PSD3: variants seen among roughly 807,000 people sequenced by gnomAD.
The protein encoded by PSD3 is pleckstrin and Sec7 domain containing 3.
Under a neutral mutation model 105.5 loss-of-function variants are expected in PSD3, and 49 were observed. That is an observed-to-expected ratio of 0.46 (90% CI 0.37 to 0.59). The LOEUF (loss-of-function observed/expected upper bound fraction) is 0.59, where lower values mean the gene tolerates loss of function less well. Among genes scored for constraint, PSD3 ranks in the 20% least tolerant of loss-of-function variants. The pLI, the probability that PSD3 is intolerant of heterozygous loss-of-function variation, is 0.00. For synonymous variants in PSD3, 557 were observed against 457.8 expected (o/e 1.22, Z -2.77); for missense variants, 1,561 against 1,263.8 (o/e 1.24, Z -3.57).
At chr8:18,707,317 C>G (rs1801962027) in intron 9 of PSD3, among the ~76,000 whole-genome samples, 1 of 152,164 alleles carries the variant, frequency 6.6e-6, no homozygotes, top group Non-Finnish European at 1.5e-5. Flanking sequence ...AGATGAATAT[C>G]AGCTCCTTGA....
At chr8:18,628,401 T>A (rs1215436506) in intron 11 of PSD3, among the ~76,000 whole-genome samples, 1 of 151,950 alleles carries the variant, frequency 6.6e-6, no homozygotes, top group African/African-American at 2.4e-5. Flanking sequence ...TTTTTTTGTC[T>A]GAAATCCTGC....
intron 9 of PSD3, among the ~76,000 whole-genome samples, chr8:18,715,077 C>T (rs1304017442): frequency 6.6e-6 from 1 of 152,102 alleles, no homozygotes; most frequent in Non-Finnish European, 1.5e-5. Flanking sequence ...GGGAGATGAA[C>T]AAGGAGAACC....
At chr8:18,541,658 C>T (rs1410238315) in intron 15 of PSD3, among the ~76,000 whole-genome samples, 1 of 152,042 alleles carries the variant, frequency 6.6e-6, no homozygotes, top group East Asian at 1.9e-4. Context: ...GCCTGCCTTG[C>T]TTAGGACTGG....
intron 9 of PSD3, among the ~76,000 whole-genome samples, chr8:18,668,189 G>A (rs191264812): frequency 1.5e-4 from 23 of 152,356 alleles, no homozygotes; most frequent in South Asian, 4.1e-4. Flanking sequence ...CAGAGAGGCC[G>A]AGGGGTTGCG....
intron 2 of PSD3, among the ~76,000 whole-genome samples, chr8:18,914,592 T>C (rs1040499563): frequency 4.6e-5 from 7 of 151,964 alleles, no homozygotes; most frequent in Admixed American, 2.6e-4. Context: ...AAAAAAGATA[T>C]CAAAAAATAA....
At position 18,586,479 on chromosome 8, in the gene PSD3, G is replaced by A. The variant is rs971842210; in HGVS notation, c.2482-11194C>T. 8.5e-5 allele frequency among the ~76,000 whole-genome samples: 13 copies of A among 152,112 alleles called. 1 individual carries two copies. In the South Asian group the frequency reaches 1.7e-3, roughly 19 times the overall value. ...CGTAGTTGAGAAGTCTTGATGAAAG[G>A]CTTAAAGTAACTGATGAGCAACTAA... is the stretch of plus-strand genomic sequence containing the variant. On this transcript the variant is annotated intron_variant, in intron 12 of 15. Transcript: ENST00000327040.
intron 1 of PSD3, among the ~76,000 whole-genome samples, chr8:19,002,795 T>A (rs1563501087): frequency 1.3e-5 from 2 of 152,230 alleles, no homozygotes; most frequent in Non-Finnish European, 1.5e-5. Flanking sequence ...GTTGATTGAA[T>A]GCATGATGCA....
chr8:18,572,552 A>C lies in PSD3; in HGVS notation c.2760T>G (p.Pro920=). The C allele has an allele frequency of 6.2e-7, 1 of 1,614,002 alleles. No individual in the cohort carries two copies. Among genetic ancestry groups the C allele is most frequent in the Non-Finnish European group, 8.5e-7 (1 of 1,179,872 alleles). ...SQKKFSRPLL[P]ATTTKLSQEE... is the part of the protein sequence containing the mutation. Reference sequence around the variant, plus strand: ...CCTGAGACAGTTTTGTTGTAGTGGCAGGCAGAAGTGGGCGGCTAAACTTCT... The same window carrying C: ...CCTGAGACAGTTTTGTTGTAGTGGCCGGCAGAAGTGGGCGGCTAAACTTCT... The change falls in exon 14 of 16, where the codon CCT becomes CCG. Residue 920 remains proline, a synonymous_variant. Transcript: ENST00000327040.
intron 4 of PSD3, among the ~76,000 whole-genome samples, chr8:18,837,568 C>T (rs1814213699): frequency 6.6e-6 from 1 of 152,016 alleles, no homozygotes; most frequent in Non-Finnish European, 1.5e-5. Context: ...TAGGTCAAAC[C>T]ATTTAGTTCT....
chr8:18,879,131 A>G (rs1817945710), intron 2 of PSD3, among the ~76,000 whole-genome samples: 1 of 151,916 alleles, frequency 6.6e-6, no homozygotes, highest in African/African-American at 2.4e-5. Context: ...TGACCAAAAG[A>G]TATCAAGGGG....
At chr8:18,746,077 G>T (rs1450927355) in intron 9 of PSD3, among the ~76,000 whole-genome samples, 1 of 152,180 alleles carries the variant, frequency 6.6e-6, no homozygotes, top group African/African-American at 2.4e-5. Context: ...GGACCAAACT[G>T]AGAGTGTCTT....
At chr8:18,749,420 G>A (rs374421029) in intron 9 of PSD3, among the ~76,000 whole-genome samples, 5 of 152,312 alleles carry the variant, frequency 3.3e-5, no homozygotes, top group Admixed American at 2.6e-4. Flanking sequence ...AAATCCCACA[G>A]TATTTTATAC....
At chr8:18,801,507 A>T in intron 6 of PSD3, 125 bp from the exon 7 acceptor site, 1 of 591,624 alleles carries the variant, frequency 1.7e-6, no homozygotes, top group Non-Finnish European at 2.9e-6. Flanking sequence ...TTATGAAGTT[A>T]TCTCCCCCCA....
chr8:18,672,200 T>C (rs17695706), intron 9 of PSD3, among the ~76,000 whole-genome samples: 5,942 of 152,206 alleles, frequency 0.039, 246 homozygotes, highest in East Asian at 0.15. Flanking sequence ...AGTGACCTTG[T>C]AAATATATGC....
intron 8 of PSD3, chr8:18,774,516 TCCTCCAGTTTGAA>T: frequency 4.0e-6 from 1 of 251,478 alleles, no homozygotes; most frequent in African/African-American, 2.3e-5. Flanking sequence ...CCTTTTTTTT[TCCTCCAGTTTGAA>T]TTTTGACTCA....
intron 9 of PSD3, among the ~76,000 whole-genome samples, chr8:18,752,670 A>G (rs1310350279): frequency 9.6e-6 from 1 of 103,786 alleles, no homozygotes; most frequent in Non-Finnish European, 1.9e-5. Context: ...TATTTGATAT[A>G]TATCAAATAT....
At chr8:18,967,360 G>A (rs1012167191) in intron 1 of PSD3, among the ~76,000 whole-genome samples, 13 of 151,992 alleles carry the variant, frequency 8.6e-5, no homozygotes, top group African/African-American at 2.4e-4. Context: ...TCTCCATGCT[G>A]GTCAGGCTGG....
chr8:18,849,081 G>A (rs951987962), intron 4 of PSD3, among the ~76,000 whole-genome samples: 2 of 152,156 alleles, frequency 1.3e-5, no homozygotes, highest in Admixed American at 1.3e-4. Flanking sequence ...CCATATCGCT[G>A]CCTCCAGTCC....
chr8:19,070,138 G>A (rs17469759), intron 1 of PSD3, among the ~76,000 whole-genome samples: 2,449 of 151,764 alleles, frequency 0.016, 35 homozygotes, highest in Non-Finnish European at 0.025. Context: ...CCCATAGTTC[G>A]GGGTACTCAA....
Sources: gnomAD v4.1 joint callset for allele counts (sites outside exome capture counted in the v4.1 genomes callset) on GRCh38, gnomAD v4.1.1 for gene constraint, MANE v1.5 for transcripts, NCBI Gene and HGNC (gene_info 2026-07-23, HGNC 2026-07-21) for gene names.